Variants in DPYD observed in about 807,000 individuals in gnomAD.
The protein encoded by DPYD is dihydropyrimidine dehydrogenase [NADP(+)].
DPYD carries 109 observed loss-of-function variants against 116.2 expected under a neutral mutation model. The ratio of observed to expected loss-of-function variants is 0.94; its 90% confidence interval spans 0.80 to 1.10. DPYD has a LOEUF of 1.10. Ranked by LOEUF, DPYD falls within the 50% of genes least tolerant of loss-of-function variation. DPYD has a pLI of 0.00. For synonymous variants in DPYD, 440 were observed against 432.0 expected (o/e 1.02, Z -0.23); for missense variants, 1,302 against 1,254.5 (o/e 1.04, Z -0.57).
chr1:97,302,263 C>A (rs1666909744), intron 18 of DPYD, among the ~76,000 whole-genome samples: 1 of 151,950 alleles, frequency 6.6e-6, no homozygotes, highest in African/African-American at 2.4e-5. Context: ...TGGTGGAGAG[C>A]TGAATCAGCC....
intron 12 of DPYD, among the ~76,000 whole-genome samples, chr1:97,535,977 T>C (rs977856871): frequency 6.6e-6 from 1 of 152,206 alleles, no homozygotes; most frequent in South Asian, 2.1e-4. Context: ...AAGAGGAAAA[T>C]TATGTGGAGA....
chr1:97,630,147 A>T (rs1657166690), intron 8 of DPYD, among the ~76,000 whole-genome samples: 1 of 151,866 alleles, frequency 6.6e-6, no homozygotes. Flanking sequence ...GTTTTTGGCT[A>T]TTACGGATAA....
Position 97,699,494 on chromosome 1 carries a change from T to C in DPYD, c.537A>G (p.Pro179=). 6.2e-7 allele frequency: 1 copy of C among 1,613,522 alleles called. No individual in the cohort carries two copies. The highest frequency in any genetic ancestry group is 1.1e-5 in the South Asian group (1 of 91,046). Residue 179 remains proline (P), a synonymous_variant, in exon 6 of 23, where the codon CCA becomes CCG. Coordinates refer to ENST00000370192, the MANE Select transcript of DPYD (RefSeq NM_000110.4). ...CAGAATAGGCTTCAGACATTTTTTC[T>C]GGGGGAGGCAGCGAAGGATTTCTGA... The part of the protein sequence containing the change: ...PQIRNPSLPP[P]EKMSEAYSAK...
chr1:97,594,951 G>A (rs939583112), intron 9 of DPYD, 108 bp downstream of exon 9: 4 of 859,394 alleles, frequency 4.7e-6, no homozygotes, highest in South Asian at 4.5e-5. Context: ...CTTAGGCAAG[G>A]TTGGGTGTGA....
intron 8 of DPYD, among the ~76,000 whole-genome samples, chr1:97,667,224 C>G (rs1034192215): frequency 9.9e-5 from 15 of 152,226 alleles, no homozygotes; most frequent in African/African-American, 3.4e-4. Flanking sequence ...ATTTTGCTAT[C>G]TCTTAATAGT....
intron 3 of DPYD, among the ~76,000 whole-genome samples, chr1:97,792,313 G>A (rs1321843136): frequency 4.0e-5 from 6 of 150,338 alleles, no homozygotes; most frequent in Non-Finnish European, 8.9e-5. Flanking sequence ...TTGCTCTGCT[G>A]CCCAGGCTGG....
At chr1:97,567,684 G>A (rs1429176699) in intron 11 of DPYD, among the ~76,000 whole-genome samples, 3 of 151,988 alleles carry the variant, frequency 2.0e-5, no homozygotes, top group Non-Finnish European at 4.4e-5. Flanking sequence ...TAATTTTCAA[G>A]CATTTAAAAT....
At chr1:97,290,275 G>T (rs1489724512) in intron 18 of DPYD, among the ~76,000 whole-genome samples, 1 of 152,032 alleles carries the variant, frequency 6.6e-6, no homozygotes, top group East Asian at 1.9e-4. Context: ...GTAATTTACA[G>T]ATTCAATGCC....
intron 16 of DPYD, among the ~76,000 whole-genome samples, chr1:97,323,339 T>TGTATAC (rs1486965717): frequency 2.6e-4 from 28 of 106,700 alleles, no homozygotes; most frequent in African/African-American, 9.5e-4. Context: ...TGTACACGTA[T>TGTATAC]ATATACATGT....
At chr1:97,770,425 C>T (rs1432060724) in intron 3 of DPYD, among the ~76,000 whole-genome samples, 1 of 151,922 alleles carries the variant, frequency 6.6e-6, no homozygotes, top group Non-Finnish European at 1.5e-5. Flanking sequence ...AAAAACTTTC[C>T]ATATTTTCTT....
At chr1:97,420,955 AT>A (rs1268572902) in intron 14 of DPYD, among the ~76,000 whole-genome samples, 1 of 151,842 alleles carries the variant, frequency 6.6e-6, no homozygotes, top group East Asian at 1.9e-4. Context: ...TTCTGAAACT[AT>A]TTAGTTGCTG....
chr1:97,837,531 T>C (rs945203897), intron 2 of DPYD, among the ~76,000 whole-genome samples: 1 of 152,154 alleles, frequency 6.6e-6, no homozygotes, highest in Admixed American at 6.5e-5. Flanking sequence ...AAATGTCAGC[T>C]GTGTTTTCCC....
At chr1:97,579,155 A>C (rs1400372410) in intron 10 of DPYD, among the ~76,000 whole-genome samples, 1 of 152,236 alleles carries the variant, frequency 6.6e-6, no homozygotes, top group African/African-American at 2.4e-5. Flanking sequence ...AATATATGCC[A>C]GTCAATAAGC....
Position 97,821,518 on chromosome 1 carries a change from G to T in DPYD, c.233+6596C>A, listed in dbSNP as rs183189580. 7.2e-5 allele frequency among the ~76,000 whole-genome samples: 11 copies of T among 152,048 alleles called. No homozygotes were observed. The East Asian group carries it at 2.1e-3, about 29-fold the overall frequency. ...AAAGAATATGATGAAAAGAAGTTGA[G>T]AATTTTACCTCTAAATTCATTATCA... On this transcript the variant is annotated intron_variant, in intron 3 of 22. Transcript: ENST00000370192.
At chr1:97,227,030 T>C (rs943321445) in intron 19 of DPYD, among the ~76,000 whole-genome samples, 2 of 152,148 alleles carry the variant, frequency 1.3e-5, no homozygotes, top group East Asian at 3.9e-4. Flanking sequence ...AATTTTGCTA[T>C]GAAAAGCAAT....
chr1:97,733,797 C>T (rs1276544911), intron 4 of DPYD, among the ~76,000 whole-genome samples: 1 of 151,944 alleles, frequency 6.6e-6, no homozygotes, highest in Non-Finnish European at 1.5e-5. Context: ...AAGTTCTTTC[C>T]TTCCTGCTGA....
At chr1:97,434,493 G>C (rs536441565) in intron 14 of DPYD, among the ~76,000 whole-genome samples, 5 of 152,060 alleles carry the variant, frequency 3.3e-5, no homozygotes, top group African/African-American at 1.2e-4. Context: ...CTAATACCAG[G>C]GATGCATAAA....
At chr1:97,658,258 TA>T (rs1294604105) in intron 8 of DPYD, among the ~76,000 whole-genome samples, 2 of 152,192 alleles carry the variant, frequency 1.3e-5, no homozygotes, top group African/African-American at 4.8e-5. Flanking sequence ...TTCAAGGAGA[TA>T]AATATGAGAA....
At chr1:97,110,815 C>G (rs1651537243) in intron 20 of DPYD, among the ~76,000 whole-genome samples, 1 of 152,000 alleles carries the variant, frequency 6.6e-6, no homozygotes, top group Non-Finnish European at 1.5e-5. Context: ...TTTGTTTGTG[C>G]TCATCTAACT....
Sources: gnomAD v4.1 joint callset for allele counts (sites outside exome capture counted in the v4.1 genomes callset) on GRCh38, gnomAD v4.1.1 for gene constraint, MANE v1.5 for transcripts, NCBI Gene and HGNC (gene_info 2026-07-23, HGNC 2026-07-21) for gene names.